Variants in WWOX observed in about 807,000 individuals in gnomAD.
WWOX encodes WW domain-containing oxidoreductase.
WWOX carries 69 observed loss-of-function variants against 46.2 expected under a neutral mutation model. The observed-to-expected ratio is 1.49, with a 90% CI of 1.23 to 1.82. The LOEUF (loss-of-function observed/expected upper bound fraction) is 1.82, where lower values mean the gene tolerates loss of function less well. WWOX is among the 40% of genes most tolerant of loss of function. WWOX has a pLI of 0.00. For synonymous variants in WWOX, 359 were observed against 202.6 expected (o/e 1.77, Z -6.56); for missense variants, 919 against 542.6 (o/e 1.69, Z -6.89).
intron 5 of WWOX, among the ~76,000 whole-genome samples, chr16:78,376,815 G>A (rs995911108): frequency 2.0e-5 from 3 of 152,310 alleles, no homozygotes; most frequent in Non-Finnish European, 4.4e-5. Flanking sequence ...TGGGCTATCA[G>A]GGTATAGTTC....
At position 79,049,939 on chromosome 16, in the gene WWOX, A is replaced by C. The variant is rs143376604; in HGVS notation, c.1057-161669A>C. ...GTGGTAAAAGCATGTGGTTCCATTA[A>C]GGGAAAGACTCCAGGGCAAGAAAAA... On this transcript the variant is annotated intron_variant, in intron 8 of 8. Coordinates refer to ENST00000566780, the MANE Select transcript of WWOX (RefSeq NM_016373.4). 8.9e-3 allele frequency among the ~76,000 whole-genome samples: 1,351 copies of C among 152,240 alleles called. 26 individuals are homozygous for C. Among genetic ancestry groups the C allele is most frequent in the African/African-American group, 0.031 (1,300 of 41,522 alleles).
At chr16:78,793,219 C>G (rs192978550) in intron 8 of WWOX, among the ~76,000 whole-genome samples, 1 of 151,970 alleles carries the variant, frequency 6.6e-6, no homozygotes, top group South Asian at 2.1e-4. Context: ...ACCACAATGC[C>G]CAGCTAATTT....
intron 8 of WWOX, among the ~76,000 whole-genome samples, chr16:78,599,434 A>C (rs1049567200): frequency 6.6e-6 from 1 of 152,182 alleles, no homozygotes; most frequent in Admixed American, 6.5e-5. Context: ...GGCTGTGGCC[A>C]TGGCTGGGGA....
intron 5 of WWOX, among the ~76,000 whole-genome samples, chr16:78,260,000 A>G (rs28628613): frequency 0.025 from 3,838 of 151,438 alleles, 177 homozygotes; most frequent in South Asian, 0.071. Context: ...TCGTTAAATG[A>G]ATCCTAGATC....
At chr16:78,824,638 G>T (rs977742207) in intron 8 of WWOX, among the ~76,000 whole-genome samples, 1 of 152,112 alleles carries the variant, frequency 6.6e-6, no homozygotes, top group Non-Finnish European at 1.5e-5. Flanking sequence ...ACACGGCAGC[G>T]GCAAGAGAAA....
At chr16:79,051,305 TAA>T (rs1254922881) in intron 8 of WWOX, among the ~76,000 whole-genome samples, 3 of 152,148 alleles carry the variant, frequency 2.0e-5, no homozygotes, top group Non-Finnish European at 1.5e-5. Flanking sequence ...TACTAAAACC[TAA>T]GTGTGCAATG....
intron 8 of WWOX, among the ~76,000 whole-genome samples, chr16:79,167,847 A>G (rs1490906025): frequency 6.6e-6 from 1 of 152,138 alleles, no homozygotes; most frequent in Non-Finnish European, 1.5e-5. Context: ...TTTTAGTTTC[A>G]AAACTTTGTC....
rs186882603 is a variant in WWOX, at chr16:78,623,450, C to A, written c.1056+190698C>A. ...ATTCCAGCACTTTGGGAGACCAAGG[C>A]GGGCAGATCACCTGAGGTCATGAGT... On this transcript the variant is annotated intron_variant, in intron 8 of 8. Coordinates refer to ENST00000566780, the MANE Select transcript of WWOX (RefSeq NM_016373.4). 2.0e-5 allele frequency among the ~76,000 whole-genome samples: 3 copies of A among 152,186 alleles called. No individual in the cohort carries two copies. In the South Asian group the frequency reaches 6.2e-4, roughly 32 times the overall value.
chr16:79,210,906 A>T (rs146491513), intron 8 of WWOX, among the ~76,000 whole-genome samples: 1,563 of 152,248 alleles, frequency 0.01, 13 homozygotes, highest in Admixed American at 0.023. Flanking sequence ...GCTGGGAGGA[A>T]ATGTACCCCC....
intron 8 of WWOX, among the ~76,000 whole-genome samples, chr16:78,544,359 T>A (rs1171309487): frequency 6.6e-6 from 1 of 152,176 alleles, no homozygotes; most frequent in Non-Finnish European, 1.5e-5. Flanking sequence ...TTCTGAACAT[T>A]TTGCATTCTT....
At chr16:79,163,818 G>T (rs866841679) in intron 8 of WWOX, among the ~76,000 whole-genome samples, 5 of 98,410 alleles carry the variant, frequency 5.1e-5, no homozygotes, top group Non-Finnish European at 9.4e-5. Context: ...AAAAAAAAAA[G>T]AGAGAGAGAA....
intron 8 of WWOX, among the ~76,000 whole-genome samples, chr16:78,715,290 C>T (rs1477752031): frequency 1.3e-5 from 2 of 152,176 alleles, no homozygotes; most frequent in Non-Finnish European, 2.9e-5. Context: ...GAGAGGGAGG[C>T]AATTGCTGTC....
chr16:78,853,358 G>T (rs202066664), intron 8 of WWOX, among the ~76,000 whole-genome samples: 15 of 152,100 alleles, frequency 9.9e-5, no homozygotes, highest in Non-Finnish European at 2.1e-4. Flanking sequence ...GATTACAGGC[G>T]CATGCCACGA....
intron 8 of WWOX, among the ~76,000 whole-genome samples, chr16:79,054,209 C>G (rs758071976): frequency 2.0e-5 from 3 of 152,172 alleles, no homozygotes; most frequent in Non-Finnish European, 4.4e-5. Flanking sequence ...CAAAAGCATG[C>G]TGCAACGGGG....
chr16:78,738,707 G>A (rs191932515), intron 8 of WWOX, among the ~76,000 whole-genome samples: 1 of 152,136 alleles, frequency 6.6e-6, no homozygotes, highest in Admixed American at 6.5e-5. Flanking sequence ...AGACGGGTCG[G>A]GGAGACTGTG....
chr16:78,955,155 T>G (rs867008694), intron 8 of WWOX, among the ~76,000 whole-genome samples: 2 of 151,662 alleles, frequency 1.3e-5, no homozygotes, highest in African/African-American at 4.9e-5. Flanking sequence ...GAAACTTTGC[T>G]GTTAGGGTCA....
chr16:78,509,623 C>G lies in WWOX; in HGVS notation c.1056+76871C>G, dbSNP rs186634391. Among the ~76,000 whole-genome samples the G allele has an allele frequency of 6.5e-4, 99 of 152,258 alleles. 2 individuals carry two copies. The East Asian group carries it at 0.016, about 24-fold the overall frequency. The stretch of plus-strand genomic sequence containing the variant: ...CCAGCCCTGCATTCAGGGATACCAA[C>G]TTGGGTGCTGAAAAGCAGCGATGGC... On this transcript the variant is annotated intron_variant, in intron 8 of 8. Coordinates refer to ENST00000566780, the MANE Select transcript of WWOX (RefSeq NM_016373.4).
intron 8 of WWOX, among the ~76,000 whole-genome samples, chr16:78,534,886 T>C (rs1369943407): frequency 6.6e-6 from 1 of 151,942 alleles, no homozygotes; most frequent in Non-Finnish European, 1.5e-5. Context: ...GCTAATTTTT[T>C]GTATTTTAGT....
intron 8 of WWOX, among the ~76,000 whole-genome samples, chr16:79,096,438 C>G (rs1192706480): frequency 3.9e-5 from 6 of 152,114 alleles, no homozygotes; most frequent in Non-Finnish European, 8.8e-5. Flanking sequence ...CTGTGCGGGC[C>G]TCCCTGCTGT....
Sources: allele counts gnomAD v4.1 joint callset (sites outside exome capture counted in the v4.1 genomes callset), GRCh38; gene constraint gnomAD v4.1.1; transcripts MANE v1.5; gene names NCBI Gene and HGNC (gene_info 2026-07-23, HGNC 2026-07-21).